Variants in CCDC169 observed in about 807,000 individuals in gnomAD.
CCDC169 encodes coiled-coil domain containing 169.
A neutral mutation model predicts 36.0 loss-of-function variants in CCDC169; 30 were observed. The ratio of observed to expected loss-of-function variants is 0.83; its 90% CI spans 0.62 to 1.13. The LOEUF (loss-of-function observed/expected upper bound fraction) is 1.13, where lower values mean the gene tolerates loss of function less well. Ranked by LOEUF, CCDC169 falls within the 50% of genes most tolerant of loss-of-function variation. CCDC169 has a pLI of 0.00. For missense variants in CCDC169, 245 were observed against 245.9 expected (o/e 1.00, Z 0.03); for synonymous variants, 85 against 81.5 (o/e 1.04, Z -0.23).
downstream of CCDC169, chr13:36,227,493 TAC>T: frequency 2.8e-6 from 3 of 1,073,968 alleles, no homozygotes; most frequent in Non-Finnish European, 2.4e-6. Flanking sequence ...CACACACATA[TAC>T]ACAAAAATAA....
intron 7 of CCDC169, 23 bp from the exon 8 acceptor site, chr13:36,231,315 A>G (rs1214685036): frequency 1.3e-6 from 2 of 1,549,142 alleles, no homozygotes; most frequent in Non-Finnish European, 1.7e-6. Flanking sequence ...AGTGTTAATC[A>G]TAATTTTTCA....
intron 4 of CCDC169, among the ~76,000 whole-genome samples, chr13:36,272,491 G>GT (rs1302760622): frequency 6.6e-6 from 1 of 152,136 alleles, no homozygotes; most frequent in African/African-American, 2.4e-5. Flanking sequence ...TGGGAAGTCT[G>GT]TGAGGTTCAT....
chr13:36,231,505 G>A (rs933549024), intron 7 of CCDC169, among the ~76,000 whole-genome samples: 5 of 152,176 alleles, frequency 3.3e-5, no homozygotes, highest in Non-Finnish European at 5.9e-5. Context: ...GAGGCATACA[G>A]CTTAAGGGCA....
chr13:36,231,868 G>T (rs1163134601), intron 7 of CCDC169, among the ~76,000 whole-genome samples: 1 of 151,854 alleles, frequency 6.6e-6, no homozygotes, highest in African/African-American at 2.4e-5. Flanking sequence ...CTCATATATT[G>T]TAATTTTGTT....
In CCDC169 at chr13:36,231,172, G is replaced by A; in HGVS notation, c.*21C>T. 1 of 1,540,108 alleles carries A rather than the reference G, an allele frequency of 6.5e-7. No individual in the cohort carries two copies. Among genetic ancestry groups the A allele is most frequent in the Non-Finnish European group, 8.7e-7 (1 of 1,143,848 alleles). ...AAATGGAAAAAAAAAGGAAGAAATA[G>A]AAATCCATCCAGTTCTGGAATCATG... On this transcript the variant is annotated 3_prime_UTR_variant, in exon 8 of 8. Coordinates refer to ENST00000239859, the MANE Select transcript of CCDC169 (RefSeq NM_001144981.3).
chr13:36,239,551 G>C (rs373660037), intron 7 of CCDC169, among the ~76,000 whole-genome samples: 2 of 152,042 alleles, frequency 1.3e-5, no homozygotes, highest in African/African-American at 4.8e-5. Context: ...TTGTTACTCT[G>C]CTGATTCTTT....
chr13:36,235,093 C>G (rs1001177090), intron 7 of CCDC169, among the ~76,000 whole-genome samples: 11 of 151,820 alleles, frequency 7.2e-5, no homozygotes, highest in African/African-American at 2.4e-4. Context: ...GGGAATGGAG[C>G]TACATAGGAA....
intron 2 of CCDC169, among the ~76,000 whole-genome samples, chr13:36,285,574 A>T (rs1288534257): frequency 2.6e-4 from 20 of 77,580 alleles, no homozygotes; most frequent in Non-Finnish European, 4.9e-4. Flanking sequence ...TTTTCTCAAA[A>T]AAATAAAATA....
At chr13:36,261,787 C>T (rs1169004967) in intron 4 of CCDC169, among the ~76,000 whole-genome samples, 2 of 152,154 alleles carry the variant, frequency 1.3e-5, no homozygotes, top group Non-Finnish European at 2.9e-5. Context: ...ATTAGACTTG[C>T]CTCCAGAGCC....
chr13:36,224,511 C>T (rs984372312), downstream of CCDC169: 1 of 152,068 alleles, frequency 6.6e-6, no homozygotes, highest in Admixed American at 6.5e-5. Context: ...AGAGCCAAAT[C>T]GAGAATGCAA....
chr13:36,287,977 A>T (rs1479100643), intron 2 of CCDC169, among the ~76,000 whole-genome samples: 1 of 152,080 alleles, frequency 6.6e-6, no homozygotes, highest in African/African-American at 2.4e-5. Context: ...AGATTTTAAA[A>T]ATGGTTAATA....
chr13:36,265,779 T>C lies in CCDC169; in HGVS notation c.316-11636A>G, dbSNP rs111487586. Among the ~76,000 whole-genome samples the C allele has an allele frequency of 5.8e-3, 891 of 152,356 alleles. 10 individuals carry two copies. Among genetic ancestry groups the C allele is most frequent in the African/African-American group, 0.02 (840 of 41,592 alleles). ...GACCCATAAGGGGGTAACTTTCAAC[T>C]GTCAAGTATATCTATTTCAATTATG... On this transcript the variant is annotated intron_variant, in intron 4 of 7. Transcript: ENST00000239859.
intron 4 of CCDC169, chr13:36,281,357 T>C: frequency 2.5e-6 from 1 of 402,332 alleles, no homozygotes; most frequent in South Asian, 1.9e-5. Flanking sequence ...TGATACATCA[T>C]GCTAAAATAA....
chr13:36,292,853 G>A (rs951910202), intron 2 of CCDC169, among the ~76,000 whole-genome samples: 1 of 152,160 alleles, frequency 6.6e-6, no homozygotes, highest in African/African-American at 2.4e-5. Context: ...TCACTACAGT[G>A]ATATCCTTGA....
At chr13:36,290,450 C>G (rs1407234941) in intron 2 of CCDC169, among the ~76,000 whole-genome samples, 1 of 152,088 alleles carries the variant, frequency 6.6e-6, no homozygotes, top group Non-Finnish European at 1.5e-5. Flanking sequence ...TTGTTTGAAA[C>G]ACTGCTAATA....
chr13:36,226,932 T>C (rs9546782), downstream of CCDC169: 179,754 of 421,558 alleles, frequency 0.43, 39,723 homozygotes, highest in Non-Finnish European at 0.47. Context: ...CACAGGTACC[T>C]CTGAATCTAA....
At chr13:36,255,462 G>A (rs1033211029) in intron 4 of CCDC169, among the ~76,000 whole-genome samples, 27 of 152,134 alleles carry the variant, frequency 1.8e-4, no homozygotes, top group African/African-American at 5.1e-4. Context: ...TAAGGAGTTC[G>A]ACACCAGCCT....
chr13:36,236,307 GA>G, intron 7 of CCDC169, among the ~76,000 whole-genome samples: 1 of 152,070 alleles, frequency 6.6e-6, no homozygotes, highest in Non-Finnish European at 1.5e-5. Flanking sequence ...TAGAGTTATA[GA>G]TCAATGAAAC....
At chr13:36,243,582 G>A (rs9546857) in intron 7 of CCDC169, among the ~76,000 whole-genome samples, 61,426 of 151,604 alleles carry the variant, frequency 0.41, 13,183 homozygotes, top group Non-Finnish European at 0.48. Context: ...CAAGGCAGGC[G>A]GATCACCTGA....
Sources: allele counts gnomAD v4.1 joint callset (sites outside exome capture counted in the v4.1 genomes callset), GRCh38; gene constraint gnomAD v4.1.1; transcripts MANE v1.5; gene names NCBI Gene and HGNC (gene_info 2026-07-23, HGNC 2026-07-21).